Variants in CD226 observed in about 807,000 individuals in gnomAD.
CD226 encodes the protein CD226 molecule, also known as CD226 antigen.
Under a neutral mutation model 34.9 loss-of-function variants are expected in CD226, and 24 were observed. The ratio of observed to expected loss-of-function variants is 0.69; its 90% CI spans 0.50 to 0.97. The LOEUF (loss-of-function observed/expected upper bound fraction) is 0.97, where lower values mean the gene tolerates loss of function less well. Ranked by LOEUF, CD226 falls within the 50% of genes least tolerant of loss-of-function variation. The pLI is 0.00. For missense variants in CD226, 397 were observed against 412.7 expected (o/e 0.96, Z 0.33); for synonymous variants, 148 against 147.4 (o/e 1.00, Z -0.03).
intron 2 of CD226, among the ~76,000 whole-genome samples, chr18:69,941,606 AG>A (rs1181716966): frequency 6.6e-6 from 1 of 152,072 alleles, no homozygotes; most frequent in Non-Finnish European, 1.5e-5. Flanking sequence ...TCTCTCATTT[AG>A]AATTGGTGTA....
chr18:69,946,038 A>G (rs373342872), intron 2 of CD226, among the ~76,000 whole-genome samples: 15 of 151,824 alleles, frequency 9.9e-5, no homozygotes, highest in African/African-American at 3.4e-4. Flanking sequence ...AATTCAAACC[A>G]TATCACGTGG....
intron 2 of CD226, among the ~76,000 whole-genome samples, chr18:69,906,157 C>T (rs2055250154): frequency 6.6e-6 from 1 of 152,004 alleles, no homozygotes; most frequent in South Asian, 2.1e-4. Flanking sequence ...TGACTAAGAA[C>T]CAACTGATAT....
intron 2 of CD226, among the ~76,000 whole-genome samples, chr18:69,919,508 G>A (rs903903140): frequency 2.0e-5 from 3 of 152,172 alleles, no homozygotes; most frequent in South Asian, 2.1e-4. Context: ...TTCAAACAAT[G>A]TCTAGTATCA....
chr18:69,944,181 A>G lies in CD226; in HGVS notation c.382+2553T>C, dbSNP rs73972938. ...AAAGTGAAGCTCTCAAACTCTCAAA[A>G]TAGGGTAGAATGCCCTCACTAGCCC... On this transcript the variant is annotated intron_variant, in intron 2 of 5. Transcript: ENST00000582621. Among the ~76,000 whole-genome samples the G allele has an allele frequency of 9.3e-3, 1,410 of 152,270 alleles. 28 individuals are homozygous for G. The highest frequency in any genetic ancestry group is 0.032 in the African/African-American group (1,312 of 41,554).
chr18:69,878,861 C>G (rs573569423), intron 3 of CD226, among the ~76,000 whole-genome samples: 1 of 152,114 alleles, frequency 6.6e-6, no homozygotes. Flanking sequence ...ATCGGGGGAA[C>G]CTGCCCCTGA....
At chr18:69,872,854 C>T (rs974991145) in intron 4 of CD226, among the ~76,000 whole-genome samples, 2 of 152,170 alleles carry the variant, frequency 1.3e-5, no homozygotes, top group African/African-American at 4.8e-5. Context: ...CGCACACACA[C>T]CACCCCCTCG....
chr18:69,870,179 A>T (rs1983425364), intron 4 of CD226, among the ~76,000 whole-genome samples: 1 of 151,964 alleles, frequency 6.6e-6, no homozygotes, highest in Non-Finnish European at 1.5e-5. Flanking sequence ...GTTCACAAGG[A>T]ATGTAAAAAT....
rs541595897 is a variant in CD226, at chr18:69,873,326, G to C, written c.728-80C>G. On this transcript the variant is annotated intron_variant, in intron 3 of 5. Coordinates refer to ENST00000582621, the MANE Select transcript of CD226 (RefSeq NM_001303618.2). Reference sequence around the variant, plus strand: ...AAGTAAGGCAGGAAAATAAAGAAAAGATACATTAATTATTGAGTAACAAAA... The same window carrying C: ...AAGTAAGGCAGGAAAATAAAGAAAACATACATTAATTATTGAGTAACAAAA... 488 of 702,176 alleles carry C rather than the reference G, an allele frequency of 6.9e-4. 1 individual carries two copies. The highest frequency in any genetic ancestry group is 3.3e-4 in the Non-Finnish European group (130 of 399,734). The allele number at this position is 702,176 out of a possible 1,614,324, so 43.5% of individuals were successfully genotyped here.
intron 2 of CD226, among the ~76,000 whole-genome samples, chr18:69,903,288 G>T (rs1234209077): frequency 1.3e-5 from 2 of 152,146 alleles, no homozygotes; most frequent in Non-Finnish European, 1.5e-5. Context: ...GCTTCAAGCA[G>T]AATAGAAACA....
At chr18:69,912,237 T>C (rs2055334830) in intron 2 of CD226, among the ~76,000 whole-genome samples, 1 of 152,218 alleles carries the variant, frequency 6.6e-6, no homozygotes, top group African/African-American at 2.4e-5. Context: ...GACATAGGCA[T>C]GGGCAAGGGC....
At chr18:69,941,393 G>A (rs957656741) in intron 2 of CD226, among the ~76,000 whole-genome samples, 1 of 152,240 alleles carries the variant, frequency 6.6e-6, no homozygotes, top group Non-Finnish European at 1.5e-5. Flanking sequence ...GCCTGTGAAA[G>A]CAGCCAAGAG....
chr18:69,955,862 C>CAAAAA lies in CD226; in HGVS notation c.-28+888_-28+892dup, dbSNP rs10659184. Among the ~76,000 whole-genome samples the CAAAAA allele has an allele frequency of 8.1e-3, 667 of 82,688 alleles. 14 individuals carry two copies. Among genetic ancestry groups the CAAAAA allele is most frequent in the African/African-American group, 0.024 (527 of 21,794 alleles). The allele number at this position is 82,688 out of a possible 152,430, so 54.2% of individuals were successfully genotyped here. On this transcript the variant is annotated intron_variant, in intron 1 of 6. Transcript: ENST00000280200. Reference sequence around the variant, plus strand: ...TGGGCAAAGGAGCGAGACTCCATCTCAAAAAAAAAAAAAAAAAAAAAATTT... The same window carrying CAAAAA: ...TGGGCAAAGGAGCGAGACTCCATCTCAAAAAAAAAAAAAAAAAAAAAAAAAAATTT...
intron 1 of CD226, among the ~76,000 whole-genome samples, chr18:69,955,265 G>A (rs1325664526): frequency 1.3e-5 from 2 of 152,182 alleles, no homozygotes; most frequent in Admixed American, 1.3e-4. Context: ...TATGGTTTCT[G>A]AGCATTGGGA....
At position 69,935,016 on chromosome 18, in the gene CD226, C is replaced by G. The variant is rs562441695; in HGVS notation, c.382+11718G>C. The stretch of plus-strand genomic sequence containing the variant: ...ACCAAACAAAAACAAAAACCAGCAA[C>G]AAAAACCATAACTTAGAAACCAGAT... On this transcript the variant is annotated intron_variant, in intron 2 of 5. Transcript: ENST00000582621. 5.9e-5 allele frequency among the ~76,000 whole-genome samples: 9 copies of G among 152,276 alleles called. No individual in the cohort carries two copies. The South Asian group carries it at 1.0e-3, about 18-fold the overall frequency.
intron 2 of CD226, among the ~76,000 whole-genome samples, chr18:69,919,948 C>T (rs914423631): frequency 2.6e-5 from 4 of 151,846 alleles, no homozygotes; most frequent in African/African-American, 9.7e-5. Flanking sequence ...ACTGAAGCCC[C>T]GACCTTTCAG....
chr18:69,930,446 G>C (rs2055575591), intron 2 of CD226, among the ~76,000 whole-genome samples: 2 of 152,162 alleles, frequency 1.3e-5, no homozygotes, highest in South Asian at 4.1e-4. Flanking sequence ...GGGACCACCG[G>C]AAAAATCCAG....
upstream of CD226, among the ~76,000 whole-genome samples, chr18:69,949,721 A>T (rs1466721941): frequency 6.6e-6 from 1 of 151,964 alleles, no homozygotes; most frequent in East Asian, 1.9e-4. Flanking sequence ...ACATGCTCTA[A>T]CACACATTCA....
intron 2 of CD226, among the ~76,000 whole-genome samples, chr18:69,945,189 T>G (rs1007331364): frequency 1.3e-5 from 2 of 152,228 alleles, no homozygotes; most frequent in East Asian, 1.9e-4. Flanking sequence ...TTATTAGTCC[T>G]TTTGGATCAC....
Position 69,855,393 on chromosome 18 carries a change from T to C in CD226, c.*8921A>G, listed in dbSNP as rs1982581887. 6.6e-6 allele frequency: 1 copy of C among 152,196 alleles called. No homozygotes were observed. The allele number at this position is 152,196 out of a possible 1,614,324, so 9.4% of individuals were successfully genotyped here. ...AGGATATCTTTGATGCAATTATCAG[T>C]TGACTTGGAACCCCGAAGGAAGAAT... On this transcript the variant is annotated 3_prime_UTR_variant, in exon 6 of 6. Coordinates refer to ENST00000582621, the MANE Select transcript of CD226 (RefSeq NM_001303618.2).
Sources: gnomAD v4.1 joint callset for allele counts (sites outside exome capture counted in the v4.1 genomes callset) on GRCh38, gnomAD v4.1.1 for gene constraint, MANE v1.5 for transcripts, NCBI Gene and HGNC (gene_info 2026-07-23, HGNC 2026-07-21) for gene names.